The following CKAP5 variants were observed in gnomAD, a reference collection of about 807,000 sequenced individuals.
CKAP5 encodes cytoskeleton associated protein 5.
A neutral mutation model predicts 232.8 loss-of-function variants in CKAP5; 27 were observed. The observed-to-expected ratio is 0.12, with a 90% CI of 0.09 to 0.16. The LOEUF is 0.16. Among genes scored for constraint, CKAP5 ranks in the 10% least tolerant of loss-of-function variants. The pLI, the probability that CKAP5 is intolerant of heterozygous loss-of-function variation, is 1.00. For synonymous variants in CKAP5, 785 were observed against 841.1 expected (o/e 0.93, Z 1.16); for missense variants, 1,838 against 2,424.7 (o/e 0.76, Z 5.08).
intron 13 of CKAP5, among the ~76,000 whole-genome samples, chr11:46,794,934 T>C (rs778002717): frequency 9.2e-5 from 14 of 152,188 alleles, no homozygotes; most frequent in Admixed American, 3.9e-4. Flanking sequence ...AATTGATTCA[T>C]AGAGTTTCAG....
chr11:46,768,626 G>A (rs1353008501), intron 26 of CKAP5, among the ~76,000 whole-genome samples: 1 of 150,986 alleles, frequency 6.6e-6, no homozygotes, highest in African/African-American at 2.4e-5. Context: ...GGCTCACCCA[G>A]GCTGGAGTGC....
intron 1 of CKAP5, among the ~76,000 whole-genome samples, chr11:46,825,363 G>A (rs1319247351): frequency 6.6e-6 from 1 of 152,160 alleles, no homozygotes; most frequent in Admixed American, 6.6e-5. Context: ...GCTGGGCCTA[G>A]AACCTATGTC....
At chr11:46,816,058 T>C in intron 4 of CKAP5, 140 bp downstream of exon 4, 1 of 603,772 alleles carries the variant, frequency 1.7e-6, no homozygotes, top group Non-Finnish European at 2.8e-6. Context: ...GAGGTGGAAC[T>C]GTTTCATCTC....
At chr11:46,772,837 G>C (rs185719300) in intron 24 of CKAP5, among the ~76,000 whole-genome samples, 2 of 151,998 alleles carry the variant, frequency 1.3e-5, no homozygotes, top group East Asian at 3.9e-4. Context: ...TGCCTCCCGG[G>C]TTCAAGTGAT....
chr11:46,769,851 G>C (rs755487586), intron 26 of CKAP5, 112 bp downstream of exon 26: 57 of 1,182,038 alleles, frequency 4.8e-5, no homozygotes, highest in Non-Finnish European at 6.6e-5. Context: ...AGGAAGGAGA[G>C]CTTGGATCTA....
chr11:46,779,814 G>T (rs2065324336), intron 20 of CKAP5, among the ~76,000 whole-genome samples: 1 of 151,758 alleles, frequency 6.6e-6, no homozygotes, highest in South Asian at 2.1e-4. Flanking sequence ...TGTAGAGAAG[G>T]TCTCATTTTG....
chr11:46,801,021 G>A (rs781274670), intron 9 of CKAP5, among the ~76,000 whole-genome samples, 179 bp downstream of exon 9: 26 of 152,282 alleles, frequency 1.7e-4, no homozygotes, highest in Admixed American at 4.6e-4. Context: ...TGTTACAACT[G>A]ACATCTACTG....
At chr11:46,755,232 T>C (rs1261338801) in intron 35 of CKAP5, among the ~76,000 whole-genome samples, 165 bp from the exon 36 acceptor site, 1 of 152,198 alleles carries the variant, frequency 6.6e-6, no homozygotes, top group African/African-American at 2.4e-5. Context: ...ATTTATTATT[T>C]TGAGAGAGAA....
intron 24 of CKAP5, among the ~76,000 whole-genome samples, chr11:46,772,160 T>C (rs1365078912): frequency 1.3e-5 from 2 of 152,046 alleles, no homozygotes; most frequent in African/African-American, 2.4e-5. Context: ...TCTGTTGTTG[T>C]TGTTGTTACT....
chr11:46,748,820 G>A (rs761946702), intron 42 of CKAP5, among the ~76,000 whole-genome samples: 3 of 151,716 alleles, frequency 2.0e-5, no homozygotes, highest in Non-Finnish European at 4.4e-5. Context: ...GGGATGATCA[G>A]GACTTTAGTT....
chr11:46,825,986 T>A (rs1351694870), intron 1 of CKAP5, among the ~76,000 whole-genome samples: 2 of 152,120 alleles, frequency 1.3e-5, no homozygotes, highest in African/African-American at 4.8e-5. Flanking sequence ...AAAAACTCAC[T>A]GTCTCCAGGT....
At chr11:46,762,844 G>A in intron 30 of CKAP5, 82 bp from the exon 31 acceptor site, 1 of 1,505,714 alleles carries the variant, frequency 6.6e-7, no homozygotes, top group Non-Finnish European at 9.2e-7. Flanking sequence ...TGTTTTGAAA[G>A]AATAGGGAAA....
At chr11:46,818,779 T>C (rs1939463691) in intron 2 of CKAP5, among the ~76,000 whole-genome samples, 1 of 152,172 alleles carries the variant, frequency 6.6e-6, no homozygotes, top group Non-Finnish European at 1.5e-5. Flanking sequence ...ATCTAAGAAT[T>C]ATTACTTCTT....
chr11:46,778,066 G>T, intron 22 of CKAP5, 73 bp downstream of exon 22: 2 of 1,277,186 alleles, frequency 1.6e-6, no homozygotes, highest in South Asian at 3.0e-5. Flanking sequence ...TGCAAGTGAA[G>T]GCTACACTGA....
At chr11:46,777,034 T>C (rs1230618601) in intron 23 of CKAP5, among the ~76,000 whole-genome samples, 2 of 152,128 alleles carry the variant, frequency 1.3e-5, no homozygotes. Flanking sequence ...GAAAATAACT[T>C]AATGAACTCC....
intron 13 of CKAP5, among the ~76,000 whole-genome samples, 169 bp downstream of exon 13, chr11:46,795,425 C>G (rs891505039): frequency 4.6e-5 from 7 of 152,114 alleles, no homozygotes; most frequent in African/African-American, 1.7e-4. Context: ...AAGCTCCAAA[C>G]AGCTGAATTT....
intron 12 of CKAP5, among the ~76,000 whole-genome samples, chr11:46,796,240 T>G (rs1427360670): frequency 4.6e-5 from 7 of 152,132 alleles, no homozygotes; most frequent in African/African-American, 1.7e-4. Context: ...TATCTACACT[T>G]TTTTGGCAGT....
chr11:46,834,116 C>G (rs551118318), intron 1 of CKAP5, among the ~76,000 whole-genome samples: 2 of 152,148 alleles, frequency 1.3e-5, no homozygotes, highest in East Asian at 3.9e-4. Flanking sequence ...GTGATCCACC[C>G]GGCTTGGCCT....
intron 24 of CKAP5, among the ~76,000 whole-genome samples, chr11:46,771,473 A>T (rs988133527): frequency 6.6e-6 from 1 of 151,800 alleles, no homozygotes; most frequent in Non-Finnish European, 1.5e-5. Flanking sequence ...GCAATGGCAT[A>T]ATCTTGGCTC....
Sources: allele counts gnomAD v4.1 joint callset (sites outside exome capture counted in the v4.1 genomes callset), GRCh38; gene constraint gnomAD v4.1.1; transcripts MANE v1.5; gene names NCBI Gene and HGNC (gene_info 2026-07-23, HGNC 2026-07-21).